Variants in EDAR observed in about 807,000 individuals in gnomAD.
EDAR encodes the protein tumor necrosis factor receptor superfamily member EDAR.
Under a neutral mutation model 51.3 loss-of-function variants are expected in EDAR, and 38 were observed. The observed-to-expected ratio is 0.74, with a 90% confidence interval of 0.57 to 0.97. EDAR has a LOEUF of 0.97. Among genes scored for constraint, EDAR ranks in the 50% least tolerant of loss-of-function variants. EDAR has a pLI of 0.00. For missense variants in EDAR, 528 were observed against 595.0 expected (o/e 0.89, Z 1.17); for synonymous variants, 227 against 242.1 (o/e 0.94, Z 0.58).
intron 4 of EDAR, among the ~76,000 whole-genome samples, chr2:108,924,095 G>A (rs1002851693): frequency 1.3e-5 from 2 of 152,368 alleles, no homozygotes; most frequent in East Asian, 1.9e-4. Context: ...CCTTGGAAGT[G>A]CAAGCCTTTA....
rs116036243 is a variant in EDAR, at chr2:108,920,792, G to A, written c.442+2576C>T. ...GAGGGGCTGCACCACATTAATTAAC[G>A]CCCTGGGGCACTCATGATGTGCTTC... On this transcript the variant is annotated intron_variant, in intron 5 of 11. Coordinates refer to ENST00000258443, the MANE Select transcript of EDAR (RefSeq NM_022336.4). 1.2e-3 allele frequency among the ~76,000 whole-genome samples: 185 copies of A among 152,280 alleles called. 1 individual carries two copies. Among genetic ancestry groups the A allele is most frequent in the African/African-American group, 3.5e-3 (147 of 41,554 alleles).
chr2:108,914,555 C>T (rs745400927), intron 5 of EDAR, among the ~76,000 whole-genome samples: 13 of 152,310 alleles, frequency 8.5e-5, no homozygotes, highest in Middle Eastern at 3.4e-3. Flanking sequence ...ATCACTAAGA[C>T]GCAACCATTC....
intron 4 of EDAR, among the ~76,000 whole-genome samples, chr2:108,927,871 A>T (rs974464056): frequency 3.9e-5 from 6 of 152,120 alleles, no homozygotes; most frequent in African/African-American, 1.4e-4. Context: ...CCACATGGCC[A>T]GTCATGGAGA....
At chr2:108,910,644 C>T in intron 8 of EDAR, 112 bp from the exon 9 acceptor site, 1 of 1,401,106 alleles carries the variant, frequency 7.1e-7, no homozygotes, top group Admixed American at 1.8e-5. Context: ...GTCTGTGTGG[C>T]ACCACCCCAC....
At chr2:108,932,819 T>C (rs1697397035) in intron 1 of EDAR, among the ~76,000 whole-genome samples, 1 of 152,164 alleles carries the variant, frequency 6.6e-6, no homozygotes. Context: ...CATAGCAGCA[T>C]GGAAATGTCT....
At position 108,896,105 on chromosome 2, in the gene EDAR, C is replaced by G. The variant is rs1696582436; in HGVS notation, c.*802G>C. On this transcript the variant is annotated 3_prime_UTR_variant, in exon 12 of 12. Transcript: ENST00000258443. ...TAGTGCAGACCACAGGGTTCCCAGG[C>G]CAAAGAGTAATGCAGTAAATGAAAT... The G allele has an allele frequency of 6.6e-6, 1 of 152,158 alleles. No homozygotes were observed. Among genetic ancestry groups the G allele is most frequent in the South Asian group, 2.1e-4 (1 of 4,820 alleles). 9.4% of individuals were successfully genotyped at this position (152,158 alleles called of 1,614,324 possible). A position where few individuals can be genotyped will look rare whatever the true frequency, so the allele number is the denominator to read the frequency against.
chr2:108,937,680 G>C (rs1040623470), intron 1 of EDAR, among the ~76,000 whole-genome samples: 2 of 151,794 alleles, frequency 1.3e-5, no homozygotes, highest in Non-Finnish European at 2.9e-5. Context: ...GAGTATAAGT[G>C]TATGTGATGT....
chr2:108,903,566 C>T lies in EDAR; in HGVS notation c.1024+2742G>A, dbSNP rs1696744551. Among the ~76,000 whole-genome samples, 5 of 152,200 alleles carry T rather than the reference C, an allele frequency of 3.3e-5. No homozygotes were observed. In the South Asian group the frequency reaches 1.0e-3, roughly 32 times the overall value. On this transcript the variant is annotated intron_variant, in intron 11 of 11. Coordinates refer to ENST00000258443, the MANE Select transcript of EDAR (RefSeq NM_022336.4). ...GGGACAGACATGTAGATAAATGCAA[C>T]AGAACAGCAACCCCAGAAAATAGAC...
chr2:108,964,498 CA>C (rs1698113205), intron 1 of EDAR, among the ~76,000 whole-genome samples: 1 of 152,144 alleles, frequency 6.6e-6, no homozygotes, highest in Admixed American at 6.5e-5. Context: ...AAGAGGAAAT[CA>C]GGTACTTTGG....
intron 4 of EDAR, 26 bp downstream of exon 4, chr2:108,929,172 G>A: frequency 1.9e-6 from 3 of 1,613,392 alleles, no homozygotes; most frequent in Non-Finnish European, 2.5e-6. Flanking sequence ...AGCATGCCAG[G>A]GTTTGCCAGG....
At chr2:108,924,550 CTT>C (rs2105434208) in intron 4 of EDAR, among the ~76,000 whole-genome samples, 2 of 152,304 alleles carry the variant, frequency 1.3e-5, no homozygotes, top group South Asian at 2.1e-4. Flanking sequence ...TTTCTAATCT[CTT>C]TTTTATTAGC....
At position 108,903,938 on chromosome 2, in the gene EDAR, T is replaced by G. The variant is rs1278040303; in HGVS notation, c.1024+2370A>C. 6.6e-5 allele frequency among the ~76,000 whole-genome samples: 10 copies of G among 152,058 alleles called. 1 individual carries two copies. In the South Asian group the frequency reaches 2.1e-3, roughly 32 times the overall value. The stretch of plus-strand genomic sequence containing the variant: ...AAAGCATCATCCATAAAAAGAAAAC[T>G]TTATAATTAGTTTCATAAATTTGAC... On this transcript the variant is annotated intron_variant, in intron 11 of 11. Transcript: ENST00000258443.
intron 1 of EDAR, among the ~76,000 whole-genome samples, chr2:108,981,211 G>T (rs577104289): frequency 1.3e-5 from 2 of 152,158 alleles, no homozygotes; most frequent in Non-Finnish European, 2.9e-5. Context: ...TCCACCACCA[G>T]CACGGGAAGG....
rs979302277 is a variant in EDAR, at chr2:108,896,710, A to G, written c.*197T>C. ...GAGGTACAGGCGAGCATCTGAAAGT[A>G]TCCCGGCTCTAGTCCTTTATCTTTG... On this transcript the variant is annotated 3_prime_UTR_variant, in exon 12 of 12. Transcript: ENST00000258443. 4.9e-6 allele frequency: 3 copies of G among 608,864 alleles called. No homozygotes were observed. The highest frequency in any genetic ancestry group is 2.1e-5 in the South Asian group (1 of 48,736). The allele number at this position is 608,864 out of a possible 1,614,324, so 37.7% of individuals were successfully genotyped here. A position where few individuals can be genotyped will look rare whatever the true frequency, so the allele number is the denominator to read the frequency against.
At chr2:108,981,833 G>A (rs947700924) in intron 1 of EDAR, among the ~76,000 whole-genome samples, 2 of 152,222 alleles carry the variant, frequency 1.3e-5, no homozygotes, top group Non-Finnish European at 2.9e-5. Flanking sequence ...CTGCACATGT[G>A]TGAAGCAGTG....
intron 1 of EDAR, among the ~76,000 whole-genome samples, chr2:108,951,312 G>T (rs1341771245): frequency 1.3e-5 from 2 of 152,182 alleles, no homozygotes; most frequent in Non-Finnish European, 2.9e-5. Context: ...AGGTATTGAA[G>T]AAACTCTGAA....
chr2:108,979,366 C>T (rs1319478856), intron 1 of EDAR, among the ~76,000 whole-genome samples: 1 of 152,148 alleles, frequency 6.6e-6, no homozygotes, highest in African/African-American at 2.4e-5. Flanking sequence ...TGGGCTGCCC[C>T]CTGCCCCACC....
At chr2:108,958,792 T>C (rs1697976475) in intron 1 of EDAR, among the ~76,000 whole-genome samples, 1 of 133,452 alleles carries the variant, frequency 7.5e-6, no homozygotes, top group African/African-American at 3.2e-5. Flanking sequence ...TGGATGTGAA[T>C]GAATTCTGTT....
chr2:108,924,107 G>A (rs1256146121), intron 4 of EDAR, among the ~76,000 whole-genome samples: 4 of 152,218 alleles, frequency 2.6e-5, no homozygotes, highest in African/African-American at 9.6e-5. Context: ...AAGCCTTTAC[G>A]CTGGGGCTGC....
Sources: allele counts gnomAD v4.1 joint callset (sites outside exome capture counted in the v4.1 genomes callset), GRCh38; gene constraint gnomAD v4.1.1; transcripts MANE v1.5; gene names NCBI Gene and HGNC (gene_info 2026-07-23, HGNC 2026-07-21).